The following SLC30A9 variants were observed in gnomAD, a reference collection of about 807,000 sequenced individuals.
SLC30A9 encodes solute carrier family 30 member 9.
SLC30A9 carries 58 observed loss-of-function variants against 87.5 expected under a neutral mutation model. The ratio of observed to expected loss-of-function variants is 0.66; its 90% confidence interval spans 0.54 to 0.82. The LOEUF (loss-of-function observed/expected upper bound fraction) is 0.82, where lower values mean the gene tolerates loss of function less well. SLC30A9 is among the 40% of genes least tolerant of loss of function. SLC30A9 has a pLI of 0.00. For missense variants in SLC30A9, 557 were observed against 679.1 expected (o/e 0.82, Z 2.00); for synonymous variants, 234 against 233.0 (o/e 1.00, Z -0.04).
chr4:42,018,280 AT>A, intron 3 of SLC30A9, 110 bp downstream of exon 3: 1 of 752,246 alleles, frequency 1.3e-6, no homozygotes, highest in Non-Finnish European at 2.1e-6. Context: ...AGTATAGTTT[AT>A]TTTTTACTTT....
intron 2 of SLC30A9, among the ~76,000 whole-genome samples, chr4:42,017,411 T>TAA (rs1324700863): frequency 6.6e-6 from 1 of 151,808 alleles, no homozygotes; most frequent in Non-Finnish European, 1.5e-5. Flanking sequence ...GATGAACAGT[T>TAA]TTTCTGAGTT....
intron 6 of SLC30A9, among the ~76,000 whole-genome samples, chr4:42,025,821 G>A (rs139785562): frequency 0.028 from 4,193 of 152,016 alleles, 85 homozygotes; most frequent in African/African-American, 0.046. Context: ...ACCCGCCACC[G>A]CGCCCAACTA....
chr4:42,061,756 C>T (rs926231024), intron 10 of SLC30A9, among the ~76,000 whole-genome samples: 3 of 151,480 alleles, frequency 2.0e-5, no homozygotes, highest in South Asian at 2.1e-4. Context: ...AAAAATTAGC[C>T]GGGTGTGGTG....
chr4:42,037,422 C>G (rs980368362), intron 7 of SLC30A9, among the ~76,000 whole-genome samples: 8 of 151,908 alleles, frequency 5.3e-5, no homozygotes, highest in Non-Finnish European at 1.0e-4. Context: ...TACCTTTCTA[C>G]TTTCCCATGC....
At chr4:42,053,829 T>C (rs1717489855) in intron 9 of SLC30A9, among the ~76,000 whole-genome samples, 1 of 150,196 alleles carries the variant, frequency 6.7e-6, no homozygotes, top group South Asian at 2.1e-4. Flanking sequence ...ACTCATACAA[T>C]GGAATATTAT....
intron 6 of SLC30A9, among the ~76,000 whole-genome samples, chr4:42,025,718 TGCA>T (rs2153135967): frequency 6.6e-6 from 1 of 152,230 alleles, no homozygotes; most frequent in Admixed American, 6.5e-5. Flanking sequence ...CAGGCTGGAG[TGCA>T]GTGGCGCAAT....
chr4:42,030,947 G>A (rs1716409754), intron 6 of SLC30A9, among the ~76,000 whole-genome samples: 1 of 151,948 alleles, frequency 6.6e-6, no homozygotes, highest in African/African-American at 2.4e-5. Flanking sequence ...TTTCCTTTCT[G>A]GGGGCATCAT....
At chr4:42,025,061 A>G (rs555954544) in intron 6 of SLC30A9, among the ~76,000 whole-genome samples, 40 of 151,660 alleles carry the variant, frequency 2.6e-4, no homozygotes, top group Non-Finnish European at 4.3e-4. Context: ...AGAGAAAAAC[A>G]TAATAACCTT....
At chr4:42,081,077 T>G (rs1388650111) in intron 17 of SLC30A9, among the ~76,000 whole-genome samples, 1 of 152,246 alleles carries the variant, frequency 6.6e-6, no homozygotes, top group East Asian at 1.9e-4. Context: ...TTTTAGGAGA[T>G]GCCTGCCAAA....
chr4:42,056,129 C>T (rs1015759554), intron 9 of SLC30A9, among the ~76,000 whole-genome samples: 5 of 151,454 alleles, frequency 3.3e-5, no homozygotes, highest in Admixed American at 6.6e-5. Context: ...AAATAGTTGA[C>T]GGTATCTCAC....
intron 2 of SLC30A9, among the ~76,000 whole-genome samples, chr4:42,002,284 T>G (rs1405871485): frequency 6.6e-6 from 1 of 152,072 alleles, no homozygotes; most frequent in African/African-American, 2.4e-5. Context: ...TAACTTCAAC[T>G]TTTGTTTAGA....
At chr4:42,064,938 A>G (rs778682330) in intron 11 of SLC30A9, among the ~76,000 whole-genome samples, 8 of 151,776 alleles carry the variant, frequency 5.3e-5, no homozygotes, top group Non-Finnish European at 8.8e-5. Context: ...AGCTTTTTTT[A>G]CCATCTTTAA....
At chr4:42,045,406 A>G (rs950179997) in intron 8 of SLC30A9, among the ~76,000 whole-genome samples, 3 of 152,162 alleles carry the variant, frequency 2.0e-5, no homozygotes, top group Non-Finnish European at 2.9e-5. Flanking sequence ...ACAGAAATAC[A>G]AAGTACCATC....
intron 16 of SLC30A9, among the ~76,000 whole-genome samples, chr4:42,077,996 G>A (rs143529629): frequency 1.3e-5 from 2 of 152,038 alleles, no homozygotes; most frequent in Admixed American, 6.6e-5. Context: ...TATTTCCCCA[G>A]TAATTTTGTA....
chr4:42,028,762 T>A (rs1026186195), intron 6 of SLC30A9, among the ~76,000 whole-genome samples: 1 of 152,152 alleles, frequency 6.6e-6, no homozygotes, highest in Non-Finnish European at 1.5e-5. Context: ...TGCATTTCAG[T>A]GGTTTAGCAG....
At chr4:42,043,631 T>C (rs1273927875) in intron 8 of SLC30A9, among the ~76,000 whole-genome samples, 1 of 152,200 alleles carries the variant, frequency 6.6e-6, no homozygotes, top group Non-Finnish European at 1.5e-5. Flanking sequence ...TGGAACCAAG[T>C]TGGAAAACAC....
intron 14 of SLC30A9, among the ~76,000 whole-genome samples, chr4:42,069,460 AG>A (rs1344711159): frequency 6.6e-6 from 1 of 152,232 alleles, no homozygotes; most frequent in Non-Finnish European, 1.5e-5. Flanking sequence ...TCTAAAGAGC[AG>A]TATTTGATTT....
chr4:42,025,794 T>C (rs891116377), intron 6 of SLC30A9, among the ~76,000 whole-genome samples: 7 of 152,060 alleles, frequency 4.6e-5, no homozygotes, highest in Non-Finnish European at 1.0e-4. Context: ...GCCTCCCAAG[T>C]AGCTAGGACT....
chr4:42,025,527 A>T (rs1310937771), intron 6 of SLC30A9, among the ~76,000 whole-genome samples: 1 of 152,198 alleles, frequency 6.6e-6, no homozygotes, highest in Admixed American at 6.5e-5. Context: ...TAAATCATCT[A>T]GTTGTTGAAT....
Sources: gnomAD v4.1 joint callset for allele counts (sites outside exome capture counted in the v4.1 genomes callset) on GRCh38, gnomAD v4.1.1 for gene constraint, MANE v1.5 for transcripts, NCBI Gene and HGNC (gene_info 2026-07-23, HGNC 2026-07-21) for gene names.